Variants in CDH13 observed in about 807,000 individuals in gnomAD.
CDH13 encodes cadherin 13, also known as cadherin-13.
CDH13 carries 24 observed loss-of-function variants against 63.8 expected under a neutral mutation model. The observed-to-expected ratio is 0.38, with a 90% CI of 0.27 to 0.53. The LOEUF is 0.53. Ranked by LOEUF, CDH13 falls within the 20% of genes least tolerant of loss-of-function variation. The pLI, the probability that CDH13 is intolerant of heterozygous loss-of-function variation, is 0.85. For missense variants in CDH13, 1,049 were observed against 903.1 expected (o/e 1.16, Z -2.07); for synonymous variants, 503 against 355.3 (o/e 1.42, Z -4.67).
intron 3 of CDH13, among the ~76,000 whole-genome samples, chr16:83,115,433 G>A (rs1178897945): frequency 1.3e-5 from 2 of 152,222 alleles, no homozygotes; most frequent in African/African-American, 4.8e-5. Context: ...GGTTATAAAG[G>A]TTAGAAGGAA....
intron 1 of CDH13, chr16:82,719,535 T>C (rs2032622049): frequency 2.3e-6 from 1 of 431,046 alleles, no homozygotes; most frequent in Non-Finnish European, 4.7e-6. Flanking sequence ...CTTCCCCCTC[T>C]GTTTTAAGCA....
intron 2 of CDH13, among the ~76,000 whole-genome samples, chr16:82,983,822 G>T (rs539154817): frequency 6.6e-6 from 1 of 152,160 alleles, no homozygotes. Flanking sequence ...CCAGCACCTG[G>T]GACTGACTGT....
intron 7 of CDH13, among the ~76,000 whole-genome samples, chr16:83,563,927 G>A (rs1473636982): frequency 6.6e-6 from 1 of 152,150 alleles, no homozygotes; most frequent in Non-Finnish European, 1.5e-5. Flanking sequence ...GAATCTGAGA[G>A]ATCCAGATCT....
chr16:82,941,721 T>A (rs1332761539), intron 2 of CDH13, among the ~76,000 whole-genome samples: 1 of 152,158 alleles, frequency 6.6e-6, no homozygotes, highest in African/African-American at 2.4e-5. Context: ...CCGAGTTTTC[T>A]TTTTCCATCC....
At chr16:83,447,245 T>A (rs1038613010) in intron 6 of CDH13, among the ~76,000 whole-genome samples, 11 of 151,278 alleles carry the variant, frequency 7.3e-5, no homozygotes, top group Non-Finnish European at 1.5e-4. Context: ...TGAAACCCCA[T>A]CTCTACTAAA....
At chr16:83,417,935 A>G (rs1017371816) in intron 6 of CDH13, among the ~76,000 whole-genome samples, 4 of 151,898 alleles carry the variant, frequency 2.6e-5, no homozygotes, top group African/African-American at 9.7e-5. Flanking sequence ...TCCCCAGCCT[A>G]GCATCCTCCC....
chr16:83,758,023 C>G (rs1003055094), intron 11 of CDH13, among the ~76,000 whole-genome samples: 1 of 151,180 alleles, frequency 6.6e-6, no homozygotes, highest in African/African-American at 2.4e-5. Context: ...CAGCTGCACT[C>G]TGTCCCAAAA....
chr16:83,653,854 G>T (rs959761656), intron 8 of CDH13, among the ~76,000 whole-genome samples: 1 of 152,200 alleles, frequency 6.6e-6, no homozygotes, highest in Non-Finnish European at 1.5e-5. Context: ...GCTGTGTCCG[G>T]CATTAAGAAA....
intron 1 of CDH13, among the ~76,000 whole-genome samples, chr16:82,834,178 C>A (rs2038665570): frequency 6.6e-6 from 1 of 152,142 alleles, no homozygotes; most frequent in South Asian, 2.1e-4. Context: ...CCTGGGAGAT[C>A]CATTTCTTCT....
Position 83,216,397 on chromosome 16 carries a change from A to AATATATATATATATAT in CDH13, c.484-916_484-901dup, listed in dbSNP as rs1158270310. Among the ~76,000 whole-genome samples the AATATATATATATATAT allele has an allele frequency of 9.3e-4, 15 of 16,098 alleles. 1 individual carries two copies. The highest frequency in any genetic ancestry group is 2.5e-3 in the Non-Finnish European group (15 of 6,030). The allele number at this position is 16,098 out of a possible 152,430, so 10.6% of individuals were successfully genotyped here. On this transcript the variant is annotated intron_variant, in intron 4 of 13. Coordinates refer to ENST00000567109, the MANE Select transcript of CDH13 (RefSeq NM_001257.5). ...TAATGTCCTCTGCCTCCAGCATTGA[A>AATATATATATATATAT]ATATATATATATATATATATATATA...
chr16:83,158,315 T>C (rs759471407), intron 4 of CDH13, among the ~76,000 whole-genome samples: 5 of 152,200 alleles, frequency 3.3e-5, no homozygotes, highest in Non-Finnish European at 5.9e-5. Context: ...CCTCTCTGAA[T>C]GTTGTTTCTC....
At chr16:83,323,145 C>A (rs2090268315) in intron 5 of CDH13, among the ~76,000 whole-genome samples, 1 of 123,492 alleles carries the variant, frequency 8.1e-6, no homozygotes, top group Non-Finnish European at 1.7e-5. Flanking sequence ...ATGAAGACCT[C>A]CCTACTTCTT....
chr16:82,854,700 G>C (rs1385777066), intron 1 of CDH13, among the ~76,000 whole-genome samples: 1 of 152,150 alleles, frequency 6.6e-6, no homozygotes, highest in Non-Finnish European at 1.5e-5. Context: ...CTCTTTTGTG[G>C]TTTTGCTTTC....
At chr16:83,181,788 CATGTGTGTGTGT>C (rs1046639591) in intron 4 of CDH13, among the ~76,000 whole-genome samples, 1 of 151,794 alleles carries the variant, frequency 6.6e-6, no homozygotes, top group Admixed American at 6.6e-5. Flanking sequence ...TGTGTGTGTG[CATGTGTGTGTGT>C]ATGTGTGTGT....
chr16:83,563,221 C>G (rs2075738307), intron 7 of CDH13, among the ~76,000 whole-genome samples: 1 of 152,214 alleles, frequency 6.6e-6, no homozygotes, highest in African/African-American at 2.4e-5. Context: ...TCCAACAGAG[C>G]CTAATAACAT....
At chr16:83,282,055 G>C (rs1451174705) in intron 5 of CDH13, among the ~76,000 whole-genome samples, 1 of 152,144 alleles carries the variant, frequency 6.6e-6, no homozygotes, top group Non-Finnish European at 1.5e-5. Context: ...TAAATATTGT[G>C]ATATCTCAGG....
At chr16:83,545,541 C>T (rs576949825) in intron 7 of CDH13, among the ~76,000 whole-genome samples, 1 of 152,170 alleles carries the variant, frequency 6.6e-6, no homozygotes, top group African/African-American at 2.4e-5. Context: ...TGGCTGTTCA[C>T]AACCTGCCCC....
intron 8 of CDH13, among the ~76,000 whole-genome samples, chr16:83,618,401 G>C (rs1300464045): frequency 6.7e-6 from 1 of 149,054 alleles, no homozygotes; most frequent in African/African-American, 2.5e-5. Flanking sequence ...CTTTAGCCTG[G>C]AGAACAGAGA....
intron 3 of CDH13, among the ~76,000 whole-genome samples, chr16:83,101,084 T>C (rs12149089): frequency 0.34 from 51,617 of 151,900 alleles, 9,434 homozygotes; most frequent in Middle Eastern, 0.56. Context: ...TGCCAGACAC[T>C]GGTCTAGGCA....
Sources: gnomAD v4.1 joint callset for allele counts (sites outside exome capture counted in the v4.1 genomes callset) on GRCh38, gnomAD v4.1.1 for gene constraint, MANE v1.5 for transcripts, NCBI Gene and HGNC (gene_info 2026-07-23, HGNC 2026-07-21) for gene names.